Variants in CDH11 observed in about 807,000 individuals in gnomAD.
The protein encoded by CDH11 is cadherin 11.
In CDH11, 11 loss-of-function variants were observed where a neutral mutation model predicts 67.8. The observed-to-expected ratio is 0.16, with a 90% CI of 0.10 to 0.27. CDH11 has a LOEUF of 0.27. Ranked by LOEUF, CDH11 falls within the 10% of genes least tolerant of loss-of-function variation. CDH11 has a pLI of 1.00. For missense variants in CDH11, 847 were observed against 1,031.2 expected (o/e 0.82, Z 2.45); for synonymous variants, 419 against 400.0 (o/e 1.05, Z -0.57).
At chr16:65,117,438 T>TA in intron 1 of CDH11, among the ~76,000 whole-genome samples, 1 of 152,332 alleles carries the variant, frequency 6.6e-6, no homozygotes, top group East Asian at 1.9e-4. Flanking sequence ...TAAATTTGTG[T>TA]AGCCTGGAAT....
chr16:65,118,963 G>A (rs970523363), intron 1 of CDH11: 1 of 152,164 alleles, frequency 6.6e-6, no homozygotes, highest in African/African-American at 2.4e-5. Flanking sequence ...AAACAGATTT[G>A]AATATAAGAG....
chr16:64,996,118 A>G (rs756433314), intron 4 of CDH11, among the ~76,000 whole-genome samples: 9 of 152,204 alleles, frequency 5.9e-5, no homozygotes, highest in Non-Finnish European at 8.8e-5. Context: ...GAGAAAAGGG[A>G]ACACATATAC....
At chr16:64,991,633 T>G in intron 6 of CDH11, 135 bp downstream of exon 6, 1 of 560,232 alleles carries the variant, frequency 1.8e-6, no homozygotes, top group Non-Finnish European at 3.2e-6. Context: ...GTTTTGTTTT[T>G]GTAAGAATGA....
chr16:65,091,164 T>C (rs2074786023), intron 1 of CDH11, among the ~76,000 whole-genome samples: 1 of 152,218 alleles, frequency 6.6e-6, no homozygotes, highest in Non-Finnish European at 1.5e-5. Flanking sequence ...AACTCCTTTG[T>C]AATACTTCTA....
At chr16:64,963,887 G>A (rs979734725) in intron 11 of CDH11, among the ~76,000 whole-genome samples, 1 of 152,128 alleles carries the variant, frequency 6.6e-6, no homozygotes, top group African/African-American at 2.4e-5. Context: ...AGGAGAAATA[G>A]TTTTTCAGAC....
chr16:65,014,992 C>A (rs1469256258), intron 2 of CDH11, among the ~76,000 whole-genome samples: 2 of 149,954 alleles, frequency 1.3e-5, no homozygotes, highest in African/African-American at 4.9e-5. Flanking sequence ...AGATTACAGG[C>A]ATAGGCCACC....
intron 2 of CDH11, among the ~76,000 whole-genome samples, chr16:65,046,265 T>C (rs1597130377): frequency 1.3e-5 from 2 of 152,182 alleles, no homozygotes; most frequent in South Asian, 4.1e-4. Context: ...TAGATTTCAG[T>C]TGGATTGCCT....
intron 8 of CDH11, 153 bp downstream of exon 8, chr16:64,981,895 T>G (rs1158886757): frequency 4.7e-6 from 3 of 639,484 alleles, no homozygotes; most frequent in Non-Finnish European, 7.8e-6. Context: ...GGGAAGCTCA[T>G]GTCTTCTAAA....
rs1464533152 is a variant in CDH11 at position 65,115,181 on chromosome 16, G to A, written c.-298+6699C>T. On this transcript the variant is annotated intron_variant, in intron 1 of 12. Transcript: ENST00000268603. Reference sequence around the variant, plus strand: ...TACCACAGCAACCCATACGCAGAACGAACAGAGGGAAAAAATGCAAAGGTA... The same window carrying A: ...TACCACAGCAACCCATACGCAGAACAAACAGAGGGAAAAAATGCAAAGGTA... Among the ~76,000 whole-genome samples, 3 of 152,028 alleles carry A rather than the reference G, an allele frequency of 2.0e-5. No individual in the cohort carries two copies. In the East Asian group the frequency reaches 5.8e-4, roughly 29 times the overall value.
chr16:65,010,971 T>TTATATA (rs60201838), intron 2 of CDH11, among the ~76,000 whole-genome samples: 6 of 127,930 alleles, frequency 4.7e-5, no homozygotes, highest in Non-Finnish European at 8.2e-5. Flanking sequence ...ATATATGTGT[T>TTATATA]TATATATATA....
At chr16:65,058,082 G>C (rs1182594181) in intron 1 of CDH11, among the ~76,000 whole-genome samples, 1 of 152,094 alleles carries the variant, frequency 6.6e-6, no homozygotes, top group Non-Finnish European at 1.5e-5. Context: ...AATTAGCTGG[G>C]TGTGGTGGCA....
In CDH11 at chr16:64,950,880, C is replaced by A. The variant is rs1363958894; in HGVS notation, c.1781G>T (p.Gly594Val). The A allele has an allele frequency of 1.9e-6, 3 of 1,614,096 alleles. No homozygotes were observed. In the African/African-American group the frequency reaches 4.0e-5, roughly 22 times the overall value. ...GAGCAGTGCCCCGTTCACGTCGCAC[C>A]CGCAGACTTTGATGGTGAGGGTGTT... ...STNTLTIKVCGCDVNGALLSC... is the reference protein window; with the variant it reads ...STNTLTIKVCVCDVNGALLSC... Residue 594 changes from glycine (G) to valine (V), a missense_variant, in exon 12 of 13, where the codon GGG (glycine) becomes GTG (valine). Around this residue, in one of 2 missense-constraint regions of CDH11, gnomAD observed 612 missense variants for 678.7 expected, o/e 0.90. Coordinates refer to ENST00000268603, the MANE Select transcript of CDH11 (RefSeq NM_001797.4).
intron 1 of CDH11, among the ~76,000 whole-genome samples, chr16:65,112,956 A>T (rs901239228): frequency 1.3e-5 from 2 of 152,234 alleles, no homozygotes; most frequent in Admixed American, 6.5e-5. Flanking sequence ...TTACAAAGAA[A>T]TCAGACCACA....
chr16:64,988,037 A>C (rs2072529454), intron 7 of CDH11, 120 bp downstream of exon 7: 2 of 688,002 alleles, frequency 2.9e-6, no homozygotes. Flanking sequence ...CTACAAAGTC[A>C]GGTCAGCCCC....
At chr16:65,123,159 C>T (rs1055507989), upstream of CDH11, among the ~76,000 whole-genome samples, 1 of 152,072 alleles carries the variant, frequency 6.6e-6, no homozygotes, top group African/African-American at 2.4e-5. Context: ...CTCGCGGTAC[C>T]GGGAACGGCG....
At chr16:65,094,963 C>T (rs551583347) in intron 1 of CDH11, 1 of 152,154 alleles carries the variant, frequency 6.6e-6, no homozygotes, top group African/African-American at 2.4e-5. Flanking sequence ...TGTAGCAGCA[C>T]AAAGAAATTA....
intron 2 of CDH11, among the ~76,000 whole-genome samples, chr16:65,042,710 T>C (rs1191163048): frequency 6.6e-6 from 1 of 152,220 alleles, no homozygotes; most frequent in Non-Finnish European, 1.5e-5. Flanking sequence ...TATTCCATCC[T>C]GCTACAAATT....
chr16:64,946,635 T>C lies in CDH11; in HGVS notation c.*968A>G. ...TGAAAAAACATTTGTAAAACATATT[T>C]GATTTTAAATAAACAATAAAAGCAG... On this transcript the variant is annotated 3_prime_UTR_variant, in exon 13 of 13. Transcript: ENST00000268603. 1 of 1,015,574 alleles carries C rather than the reference T, an allele frequency of 9.8e-7. No individual in the cohort carries two copies. Among genetic ancestry groups the C allele is most frequent in the Non-Finnish European group, 1.2e-6 (1 of 843,760 alleles). The allele number at this position is 1,015,574 out of a possible 1,614,324, so 62.9% of individuals were successfully genotyped here. A position where few individuals can be genotyped will look rare whatever the true frequency, so the allele number is the denominator to read the frequency against.
intron 2 of CDH11, among the ~76,000 whole-genome samples, chr16:65,006,595 G>C (rs1413956042): frequency 1.3e-5 from 2 of 152,166 alleles, no homozygotes; most frequent in Non-Finnish European, 2.9e-5. Flanking sequence ...CACAGAGTTG[G>C]GAACTGGACA....
Sources: allele counts gnomAD v4.1 joint callset (sites outside exome capture counted in the v4.1 genomes callset), GRCh38; gene constraint gnomAD v4.1.1; regional missense constraint gnomAD v4.1.1; transcripts MANE v1.5; gene names NCBI Gene and HGNC (gene_info 2026-07-23, HGNC 2026-07-21).